NBAS: variants seen among roughly 807,000 people sequenced by gnomAD.
NBAS encodes NAG/BC035112 fusion.
Under a neutral mutation model 302.5 loss-of-function variants are expected in NBAS, and 219 were observed. The observed-to-expected ratio is 0.72, with a 90% CI of 0.65 to 0.81. The LOEUF is 0.81. Ranked by LOEUF, NBAS falls within the 30% of genes least tolerant of loss-of-function variation. NBAS has a pLI of 0.00. For missense variants in NBAS, 2,932 were observed against 2,841.6 expected (o/e 1.03, Z -0.72); for synonymous variants, 1,118 against 1,021.6 (o/e 1.09, Z -1.80).
At chr2:15,229,316 G>A (rs1322268951) in intron 47 of NBAS, among the ~76,000 whole-genome samples, 3 of 135,846 alleles carry the variant, frequency 2.2e-5, no homozygotes, top group East Asian at 2.4e-4. Context: ...ATTCTGGCCT[G>A]GGTGACACTG....
the NBAS span, among the ~76,000 whole-genome samples, chr2:15,071,663 T>C: frequency 2.0e-5 from 3 of 150,548 alleles, no homozygotes; most frequent in Non-Finnish European, 4.4e-5. Context: ...AGCTCCAGTA[T>C]TAATCGTGCC....
the NBAS span, among the ~76,000 whole-genome samples, chr2:15,013,365 T>C: frequency 6.6e-6 from 1 of 151,980 alleles, no homozygotes; most frequent in Non-Finnish European, 1.5e-5. Context: ...TAAATAATAA[T>C]AGAAGAAATA....
chr2:15,490,479 C>A (rs1258680250), intron 11 of NBAS, among the ~76,000 whole-genome samples: 2 of 152,166 alleles, frequency 1.3e-5, no homozygotes, highest in Non-Finnish European at 2.9e-5. Context: ...AAATCTATCA[C>A]ATCCCTTCCT....
At chr2:15,280,027 A>T (rs553508473) in intron 42 of NBAS, among the ~76,000 whole-genome samples, 2 of 152,160 alleles carry the variant, frequency 1.3e-5, no homozygotes, top group Non-Finnish European at 2.9e-5. Context: ...TCCTGAACCA[A>T]GTTTTAGTTA....
chr2:15,347,588 A>C (rs925138255), intron 35 of NBAS, among the ~76,000 whole-genome samples: 3 of 152,344 alleles, frequency 2.0e-5, no homozygotes, highest in Admixed American at 1.3e-4. Context: ...AGCCACTTAA[A>C]ATGCTCATAA....
the NBAS span, among the ~76,000 whole-genome samples, chr2:14,988,129 C>T: frequency 6.6e-6 from 1 of 152,150 alleles, no homozygotes; most frequent in Non-Finnish European, 1.5e-5. Context: ...AAACAAATAT[C>T]TCCCACTCCT....
At chr2:14,811,597 T>C in the NBAS span, among the ~76,000 whole-genome samples, 3 of 152,200 alleles carry the variant, frequency 2.0e-5, no homozygotes, top group East Asian at 5.8e-4. Context: ...CCAAACATCA[T>C]GCAATGCACA....
At chr2:15,426,207 T>C (rs1677467570) in intron 22 of NBAS, among the ~76,000 whole-genome samples, 1 of 152,222 alleles carries the variant, frequency 6.6e-6, no homozygotes, top group Non-Finnish European at 1.5e-5. Context: ...GATTGCTCCA[T>C]TGTTTTCTAG....
At chr2:15,060,009 C>G in the NBAS span, among the ~76,000 whole-genome samples, 37 of 149,312 alleles carry the variant, frequency 2.5e-4, no homozygotes, top group Non-Finnish European at 4.7e-4. Flanking sequence ...GAAGTGTCGT[C>G]ATTTAACACA....
At chr2:15,098,588 T>A in the NBAS span, among the ~76,000 whole-genome samples, 248 of 119,552 alleles carry the variant, frequency 2.1e-3, 4 homozygotes, top group African/African-American at 5.0e-3. Context: ...GTATTATATA[T>A]TATATATATT....
intron 7 of NBAS, among the ~76,000 whole-genome samples, chr2:15,538,785 C>T (rs1418778565): frequency 6.6e-6 from 1 of 152,172 alleles, no homozygotes; most frequent in African/African-American, 2.4e-5. Flanking sequence ...AATATAAAAT[C>T]ATAATATATA....
chr2:14,980,972 TA>T, the NBAS span, among the ~76,000 whole-genome samples: 1 of 150,314 alleles, frequency 6.7e-6, no homozygotes, highest in Non-Finnish European at 1.5e-5. Flanking sequence ...AAAGTAGATC[TA>T]AAAGACAAAG....
chr2:15,181,134 C>T (rs1324957086), intron 50 of NBAS, among the ~76,000 whole-genome samples: 1 of 152,212 alleles, frequency 6.6e-6, no homozygotes, highest in Non-Finnish European at 1.5e-5. Context: ...ATACCTAAAA[C>T]TCCTTGTATA....
At chr2:15,374,808 C>T (rs896053736) in intron 30 of NBAS, 88 bp from the exon 31 acceptor site, 1 of 1,102,688 alleles carries the variant, frequency 9.1e-7, no homozygotes, top group East Asian at 2.4e-5. Flanking sequence ...ACATATTTAT[C>T]AAAAATCTAC....
chr2:15,167,475 AG>A (rs1442952272), intron 51 of NBAS, 152 bp from the exon 52 acceptor site: 3 of 969,246 alleles, frequency 3.1e-6, no homozygotes, highest in Non-Finnish European at 4.7e-6. Flanking sequence ...CCTCTGAGGT[AG>A]GTCACAGATT....
the NBAS span, among the ~76,000 whole-genome samples, chr2:14,835,746 T>C: frequency 6.6e-6 from 1 of 152,100 alleles, no homozygotes; most frequent in East Asian, 1.9e-4. Context: ...TTTGAGTTGC[T>C]TCAAGTTTGG....
chr2:15,048,419 C>G, the NBAS span, among the ~76,000 whole-genome samples: 1 of 152,252 alleles, frequency 6.6e-6, no homozygotes, highest in African/African-American at 2.4e-5. Flanking sequence ...AGCTCAGCCC[C>G]CAGGCCTCCT....
At chr2:15,523,073 C>G (rs1390376651) in intron 9 of NBAS, among the ~76,000 whole-genome samples, 1 of 152,194 alleles carries the variant, frequency 6.6e-6, no homozygotes, top group Admixed American at 6.5e-5. Context: ...AGCAATTCAA[C>G]TTTTTCTTGT....
chr2:14,834,915 C>G, the NBAS span, among the ~76,000 whole-genome samples: 1 of 151,660 alleles, frequency 6.6e-6, no homozygotes, highest in Non-Finnish European at 1.5e-5. Context: ...AAAGGCAACA[C>G]CAAATAGTAG....
Sources: allele counts gnomAD v4.1 joint callset (sites outside exome capture counted in the v4.1 genomes callset), GRCh38; gene constraint gnomAD v4.1.1; transcripts MANE v1.5; gene names NCBI Gene and HGNC (gene_info 2026-07-23, HGNC 2026-07-21).